PDE5A: variants seen among roughly 807,000 people sequenced by gnomAD.
PDE5A encodes cGMP-specific 3',5'-cyclic phosphodiesterase.
In PDE5A, 67 loss-of-function variants were observed where a neutral mutation model predicts 110.2. The observed-to-expected ratio is 0.61, with a 90% confidence interval of 0.50 to 0.75. The LOEUF (loss-of-function observed/expected upper bound fraction) is 0.75, where lower values mean the gene tolerates loss of function less well. Among genes scored for constraint, PDE5A ranks in the 30% least tolerant of loss-of-function variants. The pLI is 0.00. For synonymous variants in PDE5A, 328 were observed against 351.2 expected, an observed-to-expected ratio of 0.93 and a Z score of 0.74; for missense variants, 862 against 1,045.1, an observed-to-expected ratio of 0.82 and a Z score of 2.42.
intron 1 of PDE5A, among the ~76,000 whole-genome samples, chr4:119,615,728 A>G (rs1050722903): frequency 6.6e-6 from 1 of 152,158 alleles, no homozygotes; most frequent in Admixed American, 6.5e-5. Flanking sequence ...CTTTTACCAC[A>G]AGTACTAATA....
intron 5 of PDE5A, 45 bp downstream of exon 5, chr4:119,565,276 T>G (rs756473902): frequency 7.5e-7 from 1 of 1,339,494 alleles, no homozygotes; most frequent in Middle Eastern, 2.1e-4. Context: ...ATGTAACAAT[T>G]TTTAAAAAGT....
chr4:119,602,578 T>C (rs1233661216), intron 2 of PDE5A, among the ~76,000 whole-genome samples: 1 of 152,216 alleles, frequency 6.6e-6, no homozygotes, highest in Non-Finnish European at 1.5e-5. Context: ...GGGGCACAGT[T>C]ACACTTCTAT....
chr4:119,627,029 G>A lies in PDE5A; in HGVS notation c.152+1491C>T, dbSNP rs1231123682. 8.9e-6 allele frequency: 10 copies of A among 1,118,786 alleles called. 1 individual carries two copies. The Admixed American group carries it at 1.8e-4, about 20-fold the overall frequency. 69.3% of individuals were successfully genotyped at this position (1,118,786 alleles called of 1,614,324 possible). ...TAACAACAACAACAAAAGTTATACA[G>A]TCAATTTTCAATGATACATCGTCCC... On this transcript the variant is annotated intron_variant, in intron 1 of 20. Coordinates refer to ENST00000354960, the MANE Select transcript of PDE5A (RefSeq NM_001083.4). The surrounding 1 kb of genome is among the most constrained non-coding windows in gnomAD (Gnocchi z 4.6).
chr4:119,560,187 A>G (rs1180674493), intron 7 of PDE5A, 109 bp downstream of exon 7: 1 of 647,320 alleles, frequency 1.5e-6, no homozygotes, highest in South Asian at 2.2e-5. Flanking sequence ...GACAAGAGAC[A>G]ATAAAATAAT....
At chr4:119,562,785 A>T in intron 6 of PDE5A, 48 bp downstream of exon 6, 2 of 1,438,464 alleles carry the variant, frequency 1.4e-6, no homozygotes, top group Non-Finnish European at 1.8e-6. Flanking sequence ...TTATAGAAAT[A>T]TAAGTTTCTG....
At chr4:119,603,013 A>T (rs1729396436) in intron 2 of PDE5A, among the ~76,000 whole-genome samples, 1 of 152,198 alleles carries the variant, frequency 6.6e-6, no homozygotes, top group African/African-American at 2.4e-5. Context: ...CTTAAGACAT[A>T]TGAATCATGG....
intron 3 of PDE5A, among the ~76,000 whole-genome samples, chr4:119,590,683 G>T (rs1056468302): frequency 2.0e-5 from 3 of 152,076 alleles, no homozygotes; most frequent in African/African-American, 7.2e-5. Flanking sequence ...TTAATGAAAA[G>T]AACTCCCAAA....
At chr4:119,518,944 A>G in intron 14 of PDE5A, 101 bp downstream of exon 14, 1 of 713,912 alleles carries the variant, frequency 1.4e-6, no homozygotes, top group South Asian at 1.7e-5. Flanking sequence ...AGAGTATGTT[A>G]TGGGACCTTG....
intron 1 of PDE5A, 42 bp from the exon 2 acceptor site, chr4:119,607,339 G>C: frequency 7.5e-7 from 1 of 1,325,902 alleles, no homozygotes. Context: ...ACTTGAAGAG[G>C]AAGGGTGCTA....
chr4:119,505,019 T>C (rs1725506611), intron 17 of PDE5A, among the ~76,000 whole-genome samples: 1 of 152,046 alleles, frequency 6.6e-6, no homozygotes, highest in Non-Finnish European at 1.5e-5. Flanking sequence ...TCAGAAATTA[T>C]AGTAGGTCAT....
chr4:119,569,148 C>T (rs1451517508), intron 3 of PDE5A, among the ~76,000 whole-genome samples: 1 of 151,780 alleles, frequency 6.6e-6, no homozygotes, highest in East Asian at 1.9e-4. Context: ...ATTCTCCAAC[C>T]TCAGCTTCCA....
chr4:119,599,203 C>A (rs571290867), intron 2 of PDE5A, among the ~76,000 whole-genome samples: 2 of 152,030 alleles, frequency 1.3e-5, no homozygotes, highest in Non-Finnish European at 2.9e-5. Flanking sequence ...ACTGCCTGCC[C>A]GAACAAATCT....
intron 9 of PDE5A, among the ~76,000 whole-genome samples, chr4:119,550,883 ATATTGTAAGGCACCCTTGGC>A (rs1355635389): frequency 6.6e-6 from 1 of 152,192 alleles, no homozygotes. Flanking sequence ...ACTTGGTATC[ATATTGTAAGGCACCCTTGGC>A]AGTTTTCTTT....
intron 9 of PDE5A, among the ~76,000 whole-genome samples, chr4:119,545,727 TGTTACCAACCACA>T (rs1727108686): frequency 1.3e-5 from 2 of 152,198 alleles, no homozygotes; most frequent in South Asian, 2.1e-4. Flanking sequence ...GATCGGATGT[TGTTACCAACCACA>T]GTCTTCCTCC....
At chr4:119,504,471 T>TG (rs1270491273) in intron 18 of PDE5A, 65 bp downstream of exon 18, 18 of 1,242,490 alleles carry the variant, frequency 1.4e-5, no homozygotes, top group South Asian at 3.8e-5. Context: ...TACCTAGTAG[T>TG]GGGATTGCTG....
chr4:119,542,376 C>T, intron 10 of PDE5A, 83 bp downstream of exon 10: 2 of 1,295,264 alleles, frequency 1.5e-6, no homozygotes, highest in Non-Finnish European at 2.2e-6. Flanking sequence ...ACGGAACACA[C>T]ACACACCATG....
At chr4:119,524,191 CT>C (rs1400611972) in intron 12 of PDE5A, among the ~76,000 whole-genome samples, 3 of 152,030 alleles carry the variant, frequency 2.0e-5, no homozygotes, top group Non-Finnish European at 4.4e-5. Context: ...ACCATTACCC[CT>C]AATAACAGAA....
chr4:119,622,843 A>G (rs4287988), intron 1 of PDE5A, among the ~76,000 whole-genome samples: 133,518 of 141,696 alleles, frequency 0.94, 62,988 homozygotes, highest in Non-Finnish European at 0.96. Flanking sequence ...CAGCCTGGGT[A>G]ACAGAGCAAT....
intron 11 of PDE5A, among the ~76,000 whole-genome samples, chr4:119,533,892 T>A (rs865831525): frequency 5.3e-5 from 8 of 151,858 alleles, no homozygotes; most frequent in African/African-American, 1.9e-4. Context: ...GAGTTCCAAA[T>A]AAAAAAAATG....
Sources: gnomAD v4.1 joint callset for allele counts (sites outside exome capture counted in the v4.1 genomes callset) on GRCh38, gnomAD v4.1.1 for gene constraint, Gnocchi (gnomAD v3.1) non-coding constraint, MANE v1.5 for transcripts, NCBI Gene and HGNC (gene_info 2026-07-23, HGNC 2026-07-21) for gene names.